SEZ6L2: variants seen among roughly 807,000 people sequenced by gnomAD.
SEZ6L2 encodes seizure related 6 homolog like 2.
SEZ6L2 carries 44 observed loss-of-function variants against 97.0 expected under a neutral mutation model. That is an observed-to-expected ratio of 0.45 (90% confidence interval 0.36 to 0.58). The LOEUF is 0.58. Ranked by LOEUF, SEZ6L2 falls within the 20% of genes least tolerant of loss-of-function variation. The pLI is 0.00. For missense variants in SEZ6L2, 1,086 were observed against 1,233.3 expected (o/e 0.88, Z 1.79); for synonymous variants, 543 against 546.1 (o/e 0.99, Z 0.08).
intron 5 of SEZ6L2, among the ~76,000 whole-genome samples, chr16:29,891,004 C>T (rs969681842): frequency 1.3e-5 from 2 of 151,758 alleles, no homozygotes; most frequent in African/African-American, 2.4e-5. Context: ...TGCAGTGACA[C>T]GATCTTGGCT....
intron 1 of SEZ6L2, among the ~76,000 whole-genome samples, chr16:29,898,597 G>A (rs1008308637): frequency 2.6e-5 from 4 of 152,042 alleles, no homozygotes; most frequent in Non-Finnish European, 5.9e-5. Context: ...ACAGTTGTGT[G>A]TACAGCGCCT....
Position 29,895,415 on chromosome 16 carries a change from C to G in SEZ6L2, c.697G>C (p.Ala233Pro), listed in dbSNP as rs2068362960. 3.1e-6 allele frequency: 5 copies of G among 1,614,002 alleles called. No individual in the cohort carries two copies. The highest frequency in any genetic ancestry group is 4.5e-5 in the East Asian group (2 of 44,886). ...GCCAGGCCTGGGGATCCCCCACCAG[C>G]CAGCACCAGGAGCTCCTCTTCCTGT... Reference protein sequence around the residue: ...LSQEEELLVLAGGGSPGLAPR... With the variant: ...LSQEEELLVLPGGGSPGLAPR... Residue 233 changes from alanine to proline, a missense_variant, in exon 5 of 18, where the codon GCT (alanine) becomes CCT (proline). Physicochemically the swap from Ala to Pro is conservative, Grantham distance 27. Transcript: ENST00000617533.
chr16:29,894,007 A>T (rs2068327606), intron 5 of SEZ6L2, among the ~76,000 whole-genome samples: 1 of 152,150 alleles, frequency 6.6e-6, no homozygotes, highest in South Asian at 2.1e-4. Context: ...AGTAACTGGG[A>T]TTACAGGTGC....
At chr16:29,891,168 C>T (rs1157469513) in intron 5 of SEZ6L2, among the ~76,000 whole-genome samples, 7 of 152,072 alleles carry the variant, frequency 4.6e-5, no homozygotes, top group Admixed American at 4.6e-4. Flanking sequence ...TCTCGAACTC[C>T]TGACCTCGTG....
chr16:29,891,500 G>T lies in SEZ6L2; in HGVS notation c.854-2775C>A, dbSNP rs377409982. 4.5e-4 allele frequency among the ~76,000 whole-genome samples: 69 copies of T among 152,254 alleles called. No individual in the cohort carries two copies. The South Asian group carries it at 0.013, about 29-fold the overall frequency. Reference sequence around the variant, plus strand: ...AATAAAAATACAAAAAATTAGCTGGGCATGGTGGCACACGCCTATAATCCC... The same window carrying T: ...AATAAAAATACAAAAAATTAGCTGGTCATGGTGGCACACGCCTATAATCCC... On this transcript the variant is annotated intron_variant, in intron 5 of 17. Transcript: ENST00000617533.
rs377199672 is a variant in SEZ6L2 at position 29,894,340 on chromosome 16, C to T, written c.853+919G>A. The stretch of plus-strand genomic sequence containing the variant: ...CTATCTTCCATGCTGAATTCCTTCA[C>T]CTCATCTGGGGGTCACGTCTTCTCT... On this transcript the variant is annotated intron_variant, in intron 5 of 17. Coordinates refer to ENST00000617533, the MANE Select transcript of SEZ6L2 (RefSeq NM_001243332.2). Among the ~76,000 whole-genome samples the T allele has an allele frequency of 2.6e-3, 398 of 152,270 alleles. 2 individuals carry two copies. Among genetic ancestry groups the T allele is most frequent in the South Asian group, 6.4e-3 (31 of 4,830 alleles).
chr16:29,884,516 T>C (rs573668044), intron 8 of SEZ6L2, among the ~76,000 whole-genome samples: 8 of 145,768 alleles, frequency 5.5e-5, no homozygotes, highest in Middle Eastern at 8.0e-3. Context: ...CGCTTGAACC[T>C]GGAGGAGGGG....
In SEZ6L2 at chr16:29,871,197, G is replaced by T. The variant is rs1596951846; in HGVS notation, c.*502C>A. On this transcript the variant is annotated 3_prime_UTR_variant, in exon 18 of 18. Coordinates refer to ENST00000617533, the MANE Select transcript of SEZ6L2 (RefSeq NM_001243332.2). ...TTTTCTGTTTATTGCTCAAAAACAAGAATTCAGAAGCAAAGGTGGAGAGAC... is the reference window on the plus strand; with the variant it reads ...TTTTCTGTTTATTGCTCAAAAACAATAATTCAGAAGCAAAGGTGGAGAGAC... The T allele has an allele frequency of 1.7e-5, 3 of 173,952 alleles. No individual in the cohort carries two copies. In the East Asian group the frequency reaches 4.1e-4, roughly 24 times the overall value. The allele number at this position is 173,952 out of a possible 1,614,324, so 10.8% of individuals were successfully genotyped here.
In SEZ6L2 at chr16:29,875,661, C is replaced by CTTTTTTTTTTT. The variant is rs149293940; in HGVS notation, c.2104+1094_2104+1095insAAAAAAAAAAA. Among the ~76,000 whole-genome samples the CTTTTTTTTTTT allele has an allele frequency of 1.1e-4, 12 of 112,710 alleles. 1 individual carries two copies. The highest frequency in any genetic ancestry group is 1.9e-4 in the African/African-American group (5 of 26,192). The allele number at this position is 112,710 out of a possible 152,430, so 73.9% of individuals were successfully genotyped here. A position where few individuals can be genotyped will look rare whatever the true frequency, so the allele number is the denominator to read the frequency against. ...CAATTTTCTTTTTCTTTCTTTCTTT[C>CTTTTTTTTTTT]TTTCTTTTTTTTTTTTTTGAGATGG... On this transcript the variant is annotated intron_variant, in intron 12 of 17. Coordinates refer to ENST00000617533, the MANE Select transcript of SEZ6L2 (RefSeq NM_001243332.2).
At chr16:29,895,673 G>A in intron 4 of SEZ6L2, 48 bp downstream of exon 4, 1 of 1,582,906 alleles carries the variant, frequency 6.3e-7, no homozygotes, top group Non-Finnish European at 8.6e-7. Flanking sequence ...CCACAGCCCA[G>A]AGGAAAAGGC....
chr16:29,898,038 C>T lies in SEZ6L2; in HGVS notation c.80-54G>A, dbSNP rs1416110560. On this transcript the variant is annotated intron_variant, in intron 1 of 17. Coordinates refer to ENST00000617533, the MANE Select transcript of SEZ6L2 (RefSeq NM_001243332.2). ...CACTTCCCCACACCCCTTCCTTCTC[C>T]AGAGAGATATTTTCTAGAACTCTTC... is the stretch of plus-strand genomic sequence containing the variant. The T allele has an allele frequency of 1.0e-5, 16 of 1,605,150 alleles. No homozygotes were observed. In the East Asian group the frequency reaches 3.6e-4, roughly 36 times the overall value.
intron 7 of SEZ6L2, among the ~76,000 whole-genome samples, chr16:29,886,952 T>C (rs1596979628): frequency 6.6e-6 from 1 of 151,946 alleles, no homozygotes; most frequent in African/African-American, 2.4e-5. Flanking sequence ...GAGGCCAAGG[T>C]GGGCAGATCA....
chr16:29,876,638 A>C lies in SEZ6L2; in HGVS notation c.2104+118T>G. ...GGGCAGGCCTTGAAGAAGATCCAGG[A>C]AGGACCCCGAGCGAAGGGATGGAAC... On this transcript the variant is annotated intron_variant, in intron 12 of 17. Coordinates refer to ENST00000617533, the MANE Select transcript of SEZ6L2 (RefSeq NM_001243332.2). This position sits in a 1 kb window ranked among gnomAD's most constrained non-coding sequence, Gnocchi z 6.5. The C allele has an allele frequency of 1.1e-6, 1 of 926,174 alleles. No individual in the cohort carries two copies. 57.4% of individuals were successfully genotyped at this position (926,174 alleles called of 1,614,324 possible). A position where few individuals can be genotyped will look rare whatever the true frequency, so the allele number is the denominator to read the frequency against.
chr16:29,896,701 A>C, intron 3 of SEZ6L2, 121 bp downstream of exon 3: 1 of 776,336 alleles, frequency 1.3e-6, no homozygotes, highest in South Asian at 1.8e-5. Context: ...TACCTTTGTT[A>C]TTATTATTCT....
intron 8 of SEZ6L2, among the ~76,000 whole-genome samples, chr16:29,883,733 A>T: frequency 6.6e-6 from 1 of 151,974 alleles, no homozygotes; most frequent in Admixed American, 6.6e-5. Context: ...GTAGTTGGAG[A>T]CCAGCCTGGG....
intron 8 of SEZ6L2, among the ~76,000 whole-genome samples, chr16:29,881,522 T>G (rs987334556): frequency 5.9e-5 from 9 of 152,064 alleles, no homozygotes; most frequent in Non-Finnish European, 1.3e-4. Flanking sequence ...AAAGTGAACA[T>G]TTGTAGAGCA....
chr16:29,885,457 G>A, intron 8 of SEZ6L2, 129 bp downstream of exon 8: 1 of 982,214 alleles, frequency 1.0e-6, no homozygotes, highest in South Asian at 1.6e-5. Context: ...GGGCAGGGAA[G>A]CGAGTCACGT....
chr16:29,887,905 A>T, intron 6 of SEZ6L2, 88 bp from the exon 7 acceptor site: 1 of 1,437,156 alleles, frequency 7.0e-7, no homozygotes, highest in Middle Eastern at 2.4e-4. Context: ...GAACTGTTGC[A>T]TTCACACATT....
Position 29,873,625 on chromosome 16 carries a change from A to G in SEZ6L2, c.2209T>C (p.Tyr737His). The change falls in exon 13 of 18, where the codon TAC becomes CAC. Residue 737 changes from tyrosine (Y) to histidine (H), a missense_variant. Physicochemically the swap from Tyr to His is moderately conservative, Grantham distance 83. Transcript: ENST00000617533. This position sits in a 1 kb window ranked among gnomAD's most constrained non-coding sequence, Gnocchi z 4.3. Reference protein sequence around the residue: ...SHVQYRCLPGYSLEGAAMLTC... With the variant: ...SHVQYRCLPGHSLEGAAMLTC... ...AGCATGGCTGCCCCCTCGAGGCTGT[A>G]CCCTGGCAGGCAGCGGTACTGGACG... 2 of 1,614,034 alleles carry G rather than the reference A, an allele frequency of 1.2e-6. No individual in the cohort carries two copies. The highest frequency in any genetic ancestry group is 1.7e-6 in the Non-Finnish European group (2 of 1,180,000).
Sources: allele counts gnomAD v4.1 joint callset (sites outside exome capture counted in the v4.1 genomes callset), GRCh38; gene constraint gnomAD v4.1.1; non-coding constraint Gnocchi (gnomAD v3.1); transcripts MANE v1.5; gene names NCBI Gene and HGNC (gene_info 2026-07-23, HGNC 2026-07-21).